Variants in GPATCH8 observed in about 807,000 individuals in gnomAD.
GPATCH8 encodes the protein G patch domain-containing protein 8.
Under a neutral mutation model 118.3 loss-of-function variants are expected in GPATCH8, and 18 were observed. That is an observed-to-expected ratio of 0.15 (90% CI 0.11 to 0.23). The LOEUF is 0.23. GPATCH8 is among the 10% of genes least tolerant of loss of function. GPATCH8 has a pLI of 1.00. For synonymous variants in GPATCH8, 659 were observed against 684.7 expected (o/e 0.96, Z 0.59); for missense variants, 1,631 against 1,873.8 (o/e 0.87, Z 2.39).
At chr17:44,465,317 T>C (rs958385126) in intron 2 of GPATCH8, 8 of 152,084 alleles carry the variant, frequency 5.3e-5, no homozygotes, top group African/African-American at 1.4e-4. Context: ...CATTAGTGCA[T>C]GTAGGGGTAG....
At chr17:44,471,157 T>C (rs1402984324) in intron 2 of GPATCH8, among the ~76,000 whole-genome samples, 1 of 152,224 alleles carries the variant, frequency 6.6e-6, no homozygotes, top group Non-Finnish European at 1.5e-5. Flanking sequence ...CATTGAAAGA[T>C]ATCTGGTTGG....
chr17:44,503,258 C>G (rs1327808218), intron 1 of GPATCH8, 68 bp downstream of exon 1: 2 of 1,350,048 alleles, frequency 1.5e-6, no homozygotes, highest in Non-Finnish European at 2.1e-6. Flanking sequence ...GGGCTGGGAG[C>G]CGGAGATGAA....
At chr17:44,409,556 C>G (rs1367793036) in intron 6 of GPATCH8, among the ~76,000 whole-genome samples, 1 of 152,192 alleles carries the variant, frequency 6.6e-6, no homozygotes, top group Non-Finnish European at 1.5e-5. Context: ...GTACTTTGTT[C>G]TCTGACCAGT....
At chr17:44,402,502 G>A (rs1242421915) in intron 7 of GPATCH8, among the ~76,000 whole-genome samples, 1 of 151,938 alleles carries the variant, frequency 6.6e-6, no homozygotes, top group Non-Finnish European at 1.5e-5. Flanking sequence ...AAAAACTCTT[G>A]CTGGGTCAGG....
chr17:44,397,196 G>C lies in GPATCH8; in HGVS notation c.*372C>G, dbSNP rs561561599. The C allele has an allele frequency of 6.2e-5, 29 of 466,206 alleles. No individual in the cohort carries two copies. The highest frequency in any genetic ancestry group is 4.0e-4 in the South Asian group (26 of 64,574). 28.9% of individuals were successfully genotyped at this position (466,206 alleles called of 1,614,324 possible). A position where few individuals can be genotyped will look rare whatever the true frequency, so the allele number is the denominator to read the frequency against. The stretch of plus-strand genomic sequence containing the variant: ...CTGGTGACAACCCACTGGCCAGAGG[G>C]GAGGAAAATGTTTTAAAATTTACAG... On this transcript the variant is annotated 3_prime_UTR_variant, in exon 8 of 8. Transcript: ENST00000591680.
chr17:44,453,537 G>A (rs535839204), intron 3 of GPATCH8, among the ~76,000 whole-genome samples: 218 of 150,662 alleles, frequency 1.4e-3, no homozygotes, highest in African/African-American at 4.2e-3. Flanking sequence ...GTGTGCAGGC[G>A]CGCGTTTTGA....
Position 44,436,544 on chromosome 17 carries a change from C to T in GPATCH8, c.195G>A (p.Gly65=), listed in dbSNP as rs752210516. The part of the protein sequence containing the change: ...LGQGLGKSLQ[G]RTDPIPIVVK... ...CAACGATTGGAATGGGATCTGTTCT[C>T]CCTGTAACAGGAACACATAATCAAG... The change falls in exon 4 of 8, where the codon GGG becomes GGA. Residue 65 remains glycine (G), a splice_region_variant and synonymous_variant. Transcript: ENST00000591680. The T allele has an allele frequency of 2.1e-6, 3 of 1,446,498 alleles. No individual in the cohort carries two copies. The highest frequency in any genetic ancestry group is 2.9e-6 in the Non-Finnish European group (3 of 1,026,806). 89.6% of individuals were successfully genotyped at this position (1,446,498 alleles called of 1,614,324 possible). A position where few individuals can be genotyped will look rare whatever the true frequency, so the allele number is the denominator to read the frequency against.
At chr17:44,473,273 T>A (rs1161595566) in intron 2 of GPATCH8, 1 of 152,216 alleles carries the variant, frequency 6.6e-6, no homozygotes, top group African/African-American at 2.4e-5. Flanking sequence ...TAGCTGGGAC[T>A]ACAGGCGCCT....
chr17:44,442,353 C>T (rs1250280458), intron 3 of GPATCH8, among the ~76,000 whole-genome samples: 1 of 146,044 alleles, frequency 6.8e-6, no homozygotes, highest in African/African-American at 2.8e-5. Context: ...AATGCATAAG[C>T]AGTTAAAAAA....
chr17:44,435,665 T>C (rs1289582717), intron 4 of GPATCH8, among the ~76,000 whole-genome samples: 1 of 147,524 alleles, frequency 6.8e-6, no homozygotes, highest in African/African-American at 2.5e-5. Flanking sequence ...GATCTGCTTG[T>C]CTCGGCCTCC....
intron 3 of GPATCH8, among the ~76,000 whole-genome samples, chr17:44,447,618 CCT>C (rs2050935032): frequency 6.6e-6 from 1 of 151,418 alleles, no homozygotes; most frequent in African/African-American, 2.4e-5. Flanking sequence ...ATTATCACCA[CCT>C]TTTTTTTTTT....
chr17:44,411,365 G>A (rs966067776), intron 6 of GPATCH8, among the ~76,000 whole-genome samples: 16 of 152,128 alleles, frequency 1.1e-4, no homozygotes, highest in Admixed American at 9.2e-4. Flanking sequence ...ATAATACAAG[G>A]GTTTAACAAA....
chr17:44,425,417 A>G (rs886338235), intron 5 of GPATCH8, among the ~76,000 whole-genome samples: 3 of 152,250 alleles, frequency 2.0e-5, no homozygotes, highest in African/African-American at 7.2e-5. Flanking sequence ...GAGTGGCAGT[A>G]CTGAACTAAT....
intron 6 of GPATCH8, among the ~76,000 whole-genome samples, chr17:44,413,809 G>A (rs2049543842): frequency 6.6e-6 from 1 of 151,988 alleles, no homozygotes; most frequent in Non-Finnish European, 1.5e-5. Flanking sequence ...TAGTAGAGAT[G>A]GGGTTTTGCC....
rs1369494639 is a variant in GPATCH8 at position 44,396,646 on chromosome 17, C to T, written c.*922G>A. The stretch of plus-strand genomic sequence containing the variant: ...GGCAAACATATTTACACAAAGCCAC[C>T]AGAACGAGGATCACTTAAAGAGCTG... On this transcript the variant is annotated 3_prime_UTR_variant, in exon 8 of 8. Transcript: ENST00000591680. The T allele has an allele frequency of 4.5e-6, 2 of 447,480 alleles. No individual in the cohort carries two copies. Among genetic ancestry groups the T allele is most frequent in the Non-Finnish European group, 8.9e-6 (2 of 225,210 alleles). 27.7% of individuals were successfully genotyped at this position (447,480 alleles called of 1,614,324 possible). A position where few individuals can be genotyped will look rare whatever the true frequency, so the allele number is the denominator to read the frequency against.
intron 1 of GPATCH8, among the ~76,000 whole-genome samples, chr17:44,501,936 GTA>G (rs138741486): frequency 1.3e-5 from 2 of 151,400 alleles, no homozygotes. Flanking sequence ...ATATATGTGT[GTA>G]TATATATATA....
intron 1 of GPATCH8, among the ~76,000 whole-genome samples, chr17:44,489,415 A>C (rs185531205): frequency 4.1e-4 from 61 of 149,548 alleles, no homozygotes; most frequent in Middle Eastern, 3.5e-3. Flanking sequence ...ATCTTGGCTC[A>C]CTGCAACCTA....
intron 1 of GPATCH8, among the ~76,000 whole-genome samples, chr17:44,479,882 G>A (rs1054722047): frequency 5.9e-5 from 9 of 151,702 alleles, no homozygotes; most frequent in Non-Finnish European, 1.2e-4. Context: ...CTGGAGAACT[G>A]CTTGAACCCA....
At chr17:44,498,256 G>A (rs1257851232) in intron 1 of GPATCH8, among the ~76,000 whole-genome samples, 1 of 152,276 alleles carries the variant, frequency 6.6e-6, no homozygotes. Flanking sequence ...TGACTGTATT[G>A]TAAGAGCCCT....
Sources: gnomAD v4.1 joint callset for allele counts (sites outside exome capture counted in the v4.1 genomes callset) on GRCh38, gnomAD v4.1.1 for gene constraint, MANE v1.5 for transcripts, NCBI Gene and HGNC (gene_info 2026-07-23, HGNC 2026-07-21) for gene names.